Variants in RBFOX1 observed in about 807,000 individuals in gnomAD.
The protein encoded by RBFOX1 is RNA binding fox-1 homolog 1.
RBFOX1 carries 8 observed loss-of-function variants against 57.7 expected under a neutral mutation model. The ratio of observed to expected loss-of-function variants is 0.14; its 90% CI spans 0.08 to 0.25. The LOEUF (loss-of-function observed/expected upper bound fraction) is 0.25. RBFOX1 is among the 10% of genes least tolerant of loss of function. The probability of loss-of-function intolerance (pLI) is 1.00; values close to 1 mark genes in which losing one functional copy is unlikely to be tolerated. For missense variants in RBFOX1, 611 were observed against 548.5 expected (o/e 1.11, Z -1.14); for synonymous variants, 326 against 222.4 (o/e 1.47, Z -4.15).
At chr16:5,983,372 C>T (rs183248687) in intron 4 of RBFOX1, among the ~76,000 whole-genome samples, 3 of 152,312 alleles carry the variant, frequency 2.0e-5, no homozygotes, top group East Asian at 1.9e-4. Flanking sequence ...AGCTTCTCCG[C>T]GGACAAATCT....
At chr16:5,430,397 G>T (rs993673033) in intron 1 of RBFOX1, among the ~76,000 whole-genome samples, 1 of 152,222 alleles carries the variant, frequency 6.6e-6, no homozygotes, top group Non-Finnish European at 1.5e-5. Flanking sequence ...TTGAGAAACA[G>T]TGGGAGGGAG....
intron 2 of RBFOX1, among the ~76,000 whole-genome samples, chr16:6,423,733 G>C (rs1009446326): frequency 6.6e-6 from 1 of 152,166 alleles, no homozygotes; most frequent in Non-Finnish European, 1.5e-5. Context: ...GACGTGGGGA[G>C]GTGTAGGAAT....
chr16:7,269,950 G>T (rs552522109), intron 4 of RBFOX1, among the ~76,000 whole-genome samples: 54 of 152,290 alleles, frequency 3.5e-4, no homozygotes, highest in Admixed American at 2.9e-3. Flanking sequence ...TTATTAATTT[G>T]ATAGGTAAAA....
At chr16:7,237,462 A>G (rs1603428458) in intron 4 of RBFOX1, among the ~76,000 whole-genome samples, 1 of 152,198 alleles carries the variant, frequency 6.6e-6, no homozygotes, top group African/African-American at 2.4e-5. Flanking sequence ...CACAGATTGT[A>G]ACTCATTTAC....
chr16:7,444,479 T>C (rs937385851), intron 4 of RBFOX1, among the ~76,000 whole-genome samples: 1 of 152,150 alleles, frequency 6.6e-6, no homozygotes, highest in Admixed American at 6.5e-5. Context: ...AAGGCAGCTT[T>C]ATAAATAATA....
intron 1 of RBFOX1, among the ~76,000 whole-genome samples, chr16:6,091,178 C>G (rs1432096946): frequency 6.6e-6 from 1 of 152,172 alleles, no homozygotes; most frequent in Admixed American, 6.5e-5. Context: ...TAGGTTTGCA[C>G]CCATTAACCG....
At chr16:6,745,718 C>T (rs1051914391) in intron 3 of RBFOX1, among the ~76,000 whole-genome samples, 1 of 152,114 alleles carries the variant, frequency 6.6e-6, no homozygotes, top group East Asian at 1.9e-4. Context: ...TGGTGTTGCC[C>T]CCAAGATTGG....
chr16:6,794,535 A>G (rs763749976), intron 3 of RBFOX1, among the ~76,000 whole-genome samples: 1 of 152,216 alleles, frequency 6.6e-6, no homozygotes, highest in Non-Finnish European at 1.5e-5. Context: ...GTTCCTAATT[A>G]TTTTAAGTGA....
intron 1 of RBFOX1, among the ~76,000 whole-genome samples, chr16:5,295,047 CAG>C (rs1428120594): frequency 2.0e-5 from 2 of 101,150 alleles, no homozygotes; most frequent in Admixed American, 1.1e-4. Flanking sequence ...AAAAAAAAGA[CAG>C]AGTTGGTCCT....
rs957331727 is a variant in RBFOX1, at chr16:6,922,204, G to T, written c.-15-129853G>T. ...GGGTAGGTGCAATTCAGTGGTTCTTGCTACAATGGAGAGGTCTGAGGCATT... is the reference window on the plus strand; with the variant it reads ...GGGTAGGTGCAATTCAGTGGTTCTTTCTACAATGGAGAGGTCTGAGGCATT... On this transcript the variant is annotated intron_variant, in intron 3 of 15. Coordinates refer to ENST00000550418, the MANE Select transcript of RBFOX1 (RefSeq NM_018723.4). Among the ~76,000 whole-genome samples the T allele has an allele frequency of 7.2e-5, 11 of 152,230 alleles. No homozygotes were observed. In the East Asian group the frequency reaches 2.1e-3, roughly 29 times the overall value.
intron 1 of RBFOX1, among the ~76,000 whole-genome samples, chr16:6,114,444 T>A (rs1273212840): frequency 1.3e-5 from 2 of 152,232 alleles, no homozygotes; most frequent in Non-Finnish European, 2.9e-5. Context: ...TGTACGTAGC[T>A]TTTTGGATCT....
At chr16:7,250,933 GT>G (rs1223764537) in intron 4 of RBFOX1, among the ~76,000 whole-genome samples, 1 of 152,068 alleles carries the variant, frequency 6.6e-6, no homozygotes, top group Non-Finnish European at 1.5e-5. Flanking sequence ...ACAACATGAC[GT>G]TTTGAAATAT....
At chr16:7,079,853 T>C (rs1198472206) in intron 4 of RBFOX1, among the ~76,000 whole-genome samples, 1 of 151,908 alleles carries the variant, frequency 6.6e-6, no homozygotes. Flanking sequence ...TAATGGGAAG[T>C]TATTATTAAG....
intron 9 of RBFOX1, among the ~76,000 whole-genome samples, chr16:7,599,748 C>T (rs1315913606): frequency 6.7e-6 from 1 of 149,486 alleles, no homozygotes; most frequent in Admixed American, 6.7e-5. Context: ...CAGGCTCAAG[C>T]AATCCTCCCT....
In RBFOX1 at chr16:6,957,340, C is replaced by G. The variant is rs543927229; in HGVS notation, c.-15-94717C>G. ...TACAGACGGGGTTTCACCATGTTAG[C>G]CAGGATGGTCTCGATCTCCTGACTT... On this transcript the variant is annotated intron_variant, in intron 3 of 15. Coordinates refer to ENST00000550418, the MANE Select transcript of RBFOX1 (RefSeq NM_018723.4). Among the ~76,000 whole-genome samples the G allele has an allele frequency of 7.9e-5, 12 of 152,062 alleles. No homozygotes were observed. The East Asian group carries it at 1.2e-3, about 15-fold the overall frequency.
intron 3 of RBFOX1, among the ~76,000 whole-genome samples, chr16:7,019,931 A>T (rs934901312): frequency 4.0e-5 from 6 of 149,324 alleles, no homozygotes; most frequent in Admixed American, 3.3e-4. Context: ...GCCTTTCCAC[A>T]TTTTGTTCTC....
intron 4 of RBFOX1, among the ~76,000 whole-genome samples, chr16:7,172,198 T>A (rs1473312534): frequency 6.6e-6 from 1 of 152,196 alleles, no homozygotes; most frequent in East Asian, 1.9e-4. Context: ...AGCCAATAAT[T>A]CCATATTTTC....
At chr16:7,275,105 C>G (rs891360283) in intron 4 of RBFOX1, among the ~76,000 whole-genome samples, 1 of 152,102 alleles carries the variant, frequency 6.6e-6, no homozygotes, top group African/African-American at 2.4e-5. Flanking sequence ...TCTTGTCCAT[C>G]TGTCTCTGAG....
At chr16:6,985,508 CTA>C (rs1288761850) in intron 3 of RBFOX1, among the ~76,000 whole-genome samples, 8 of 152,002 alleles carry the variant, frequency 5.3e-5, no homozygotes, top group African/African-American at 1.7e-4. Flanking sequence ...CTAAAGAACA[CTA>C]TGTGTGGAAA....
Sources: gnomAD v4.1 joint callset for allele counts (sites outside exome capture counted in the v4.1 genomes callset) on GRCh38, gnomAD v4.1.1 for gene constraint, MANE v1.5 for transcripts, NCBI Gene and HGNC (gene_info 2026-07-23, HGNC 2026-07-21) for gene names.